Variants in KY observed in about 807,000 individuals in gnomAD.
KY encodes the protein kyphoscoliosis peptidase.
A neutral mutation model predicts 76.1 loss-of-function variants in KY; 43 were observed. The ratio of observed to expected loss-of-function variants is 0.57; its 90% confidence interval spans 0.44 to 0.73. The LOEUF (loss-of-function observed/expected upper bound fraction) is 0.73, where lower values mean the gene tolerates loss of function less well. KY is among the 30% of genes least tolerant of loss of function. The pLI is 0.00. For missense variants in KY, 722 were observed against 828.9 expected (o/e 0.87, Z 1.58); for synonymous variants, 277 against 326.2 (o/e 0.85, Z 1.63).
rs201058595 is a variant in KY at position 134,604,040 on chromosome 3, G to A, written c.1525C>T (p.Arg509Trp). Residue 509 changes from arginine (R) to tryptophan (W), a missense_variant, in exon 11 of 11, where the codon CGG (arginine) becomes TGG (tryptophan). By Grantham distance (101) the Arg-to-Trp change is moderately radical. Transcript: ENST00000423778. ...DDGPITEETQ[R>W]RYIFQLHREK... ...CGGTGCAGCTGGAAGATGTAGCGCC[G>A]CTGTGTCTCCTCAGTGATGGGGCCA... 200 of 1,613,952 alleles carry A rather than the reference G, an allele frequency of 1.2e-4. 1 individual carries two copies. In the African/African-American group the frequency reaches 1.9e-3, roughly 15 times the overall value.
At chr3:134,607,644 A>G in intron 10 of KY, 1 of 985,688 alleles carries the variant, frequency 1.0e-6, no homozygotes, top group Non-Finnish European at 1.2e-6. Context: ...CTTCCAGAGA[A>G]GGCCCTGCTT....
chr3:134,605,616 C>G (rs759758516), intron 10 of KY, among the ~76,000 whole-genome samples: 5 of 152,142 alleles, frequency 3.3e-5, no homozygotes, highest in Admixed American at 2.6e-4. Flanking sequence ...CAAAAGCTGT[C>G]CCAACCCTGT....
intron 2 of KY, among the ~76,000 whole-genome samples, chr3:134,645,994 C>A (rs1254855746): frequency 6.6e-6 from 1 of 152,194 alleles, no homozygotes; most frequent in Non-Finnish European, 1.5e-5. Flanking sequence ...GAGTGTCAGA[C>A]AACTCAGGCA....
At chr3:134,609,875 C>T (rs891581693) in intron 9 of KY, among the ~76,000 whole-genome samples, 3 of 152,230 alleles carry the variant, frequency 2.0e-5, no homozygotes, top group African/African-American at 4.8e-5. Context: ...AACCTGCCAA[C>T]AACTAAAGAA....
chr3:134,629,770 G>T, intron 3 of KY, 75 bp from the exon 4 acceptor site: 1 of 860,116 alleles, frequency 1.2e-6, no homozygotes, highest in Non-Finnish European at 1.9e-6. Flanking sequence ...ACTGATGATT[G>T]AATAAAAAAA....
rs572081717 is a variant in KY, at chr3:134,602,705, C to T, written c.*874G>A. Among the ~76,000 whole-genome samples, 14 of 152,310 alleles carry T rather than the reference C, an allele frequency of 9.2e-5. No homozygotes were observed. The highest frequency in any genetic ancestry group is 2.4e-4 in the African/African-American group (10 of 41,576). On this transcript the variant is annotated 3_prime_UTR_variant, in exon 11 of 11. Coordinates refer to ENST00000423778, the MANE Select transcript of KY (RefSeq NM_178554.6). Reference sequence around the variant, plus strand: ...GTGGGGCAGGGGCCTGAGGCCCAGGCTCTGTGAGGGCCTGGAGGGCACTCC... The same window carrying T: ...GTGGGGCAGGGGCCTGAGGCCCAGGTTCTGTGAGGGCCTGGAGGGCACTCC...
chr3:134,634,458 AT>A (rs1452496254), intron 3 of KY, among the ~76,000 whole-genome samples: 4 of 152,244 alleles, frequency 2.6e-5, no homozygotes, highest in Non-Finnish European at 5.9e-5. Flanking sequence ...AGCAAAATAA[AT>A]TTTTACAAAA....
At chr3:134,608,384 A>C in intron 10 of KY, 1 of 1,418,920 alleles carries the variant, frequency 7.0e-7, no homozygotes, top group Non-Finnish European at 9.3e-7. Context: ...TGCAGCCTTC[A>C]GACACATCCC....
rs770241529 is a variant in KY, at chr3:134,619,161, C to T, written c.697G>A (p.Glu233Lys). The T allele has an allele frequency of 1.1e-5, 18 of 1,613,632 alleles. No individual in the cohort carries two copies. The highest frequency in any genetic ancestry group is 1.0e-4 in the Admixed American group (6 of 59,990). The change falls in exon 8 of 11, where the codon GAG (glutamate) becomes AAG (lysine). Residue 233 changes from glutamate (E) to lysine (K), a missense_variant. Glu to Lys is a moderately conservative substitution (Grantham distance 56). Transcript: ENST00000423778. ...TNCDGYAGLF[E>K]RMCRLAGVQC... ...TGTCTCTCGTACCTGCACATTCTCT[C>T]GAAGAGGCCAGCATAGCCATCACAG...
intron 6 of KY, 64 bp downstream of exon 6, chr3:134,624,989 T>C: frequency 7.1e-7 from 1 of 1,417,140 alleles, no homozygotes; most frequent in Non-Finnish European, 9.8e-7. Context: ...GGGAGAGGTT[T>C]TGCTGCCCTA....
chr3:134,605,064 A>T (rs1959165788), intron 10 of KY, among the ~76,000 whole-genome samples: 1 of 152,136 alleles, frequency 6.6e-6, no homozygotes, highest in African/African-American at 2.4e-5. Context: ...TGTTTCAGGA[A>T]TGGGTCCTGA....
At chr3:134,621,564 C>T (rs1476945115) in intron 6 of KY, among the ~76,000 whole-genome samples, 1 of 152,168 alleles carries the variant, frequency 6.6e-6, no homozygotes, top group African/African-American at 2.4e-5. Flanking sequence ...ACAAAAACAA[C>T]TCAAAATGGA....
intron 5 of KY, among the ~76,000 whole-genome samples, chr3:134,625,789 G>A (rs1963365644): frequency 6.6e-6 from 1 of 152,220 alleles, no homozygotes; most frequent in Admixed American, 6.5e-5. Context: ...AGAAAGGCTG[G>A]GCCTCCAAAT....
chr3:134,608,854 AG>A lies in KY; in HGVS notation c.900-16del. Reference sequence around the variant, plus strand: ...ACTCATTGTAGCTGGAGCAGAGACAAGCTGGTTAGCAGCCAGCTCCATGCAG... The same window carrying A: ...ACTCATTGTAGCTGGAGCAGAGACAACTGGTTAGCAGCCAGCTCCATGCAG... On this transcript the variant is annotated splice_polypyrimidine_tract_variant and intron_variant, in intron 9 of 10. Coordinates refer to ENST00000423778, the MANE Select transcript of KY (RefSeq NM_178554.6). 6.3e-7 allele frequency: 1 copy of A among 1,598,114 alleles called. No homozygotes were observed. Among genetic ancestry groups the A allele is most frequent in the Non-Finnish European group, 8.5e-7 (1 of 1,170,134 alleles).
intron 6 of KY, 77 bp downstream of exon 6, chr3:134,624,976 C>A: frequency 7.9e-7 from 1 of 1,258,358 alleles, no homozygotes; most frequent in Non-Finnish European, 1.1e-6. Flanking sequence ...CAGGAGGTGT[C>A]TGGGGAGAGG....
intron 3 of KY, among the ~76,000 whole-genome samples, chr3:134,635,358 A>T (rs1266647849): frequency 6.6e-6 from 1 of 152,002 alleles, no homozygotes; most frequent in Non-Finnish European, 1.5e-5. Context: ...TTAGCTGGGC[A>T]TGGTGGCAGG....
chr3:134,644,446 T>A (rs1312650792), intron 2 of KY, among the ~76,000 whole-genome samples: 1 of 152,156 alleles, frequency 6.6e-6, no homozygotes, highest in Non-Finnish European at 1.5e-5. Context: ...GGCCTGCTGT[T>A]ACTGAAGCTG....
chr3:134,648,142 C>T (rs1012543386), intron 1 of KY, among the ~76,000 whole-genome samples: 1 of 152,204 alleles, frequency 6.6e-6, no homozygotes, highest in Non-Finnish European at 1.5e-5. Context: ...TACGTTCTGG[C>T]AGCGGGAGCT....
rs1442129334 is a variant in KY, at chr3:134,603,770, A to G, written c.1795T>C (p.Leu599=). The change falls in exon 11 of 11, where the codon TTG becomes CTG. Residue 599 remains leucine (L), a synonymous_variant. Coordinates refer to ENST00000423778, the MANE Select transcript of KY (RefSeq NM_178554.6). ...LPANRNVPFK[L]KLHGIAKVLV... is the part of the protein sequence containing the mutation. ...ACTTTGGCAATACCATGCAGCTTCA[A>G]TTTGAATGGGACATTCCGGTTGGCA... 6.2e-7 allele frequency: 1 copy of G among 1,612,468 alleles called. No homozygotes were observed. The highest frequency in any genetic ancestry group is 8.5e-7 in the Non-Finnish European group (1 of 1,178,884).
Sources: allele counts gnomAD v4.1 joint callset (sites outside exome capture counted in the v4.1 genomes callset), GRCh38; gene constraint gnomAD v4.1.1; transcripts MANE v1.5; gene names NCBI Gene and HGNC (gene_info 2026-07-23, HGNC 2026-07-21).